PARVG: variants seen among roughly 807,000 people sequenced by gnomAD.
PARVG encodes parvin gamma, also known as gamma-parvin.
Under a neutral mutation model 44.4 loss-of-function variants are expected in PARVG, and 36 were observed. That is an observed-to-expected ratio of 0.81 (90% CI 0.62 to 1.07). PARVG has a LOEUF of 1.07. Ranked by LOEUF, PARVG falls within the 50% of genes least tolerant of loss-of-function variation. PARVG has a pLI of 0.00. For missense variants in PARVG, 407 were observed against 407.4 expected (o/e 1.00, Z 0.01); for synonymous variants, 170 against 174.1 (o/e 0.98, Z 0.19).
At chr22:44,191,187 A>G (rs1418850337) in intron 7 of PARVG, among the ~76,000 whole-genome samples, 2 of 152,058 alleles carry the variant, frequency 1.3e-5, no homozygotes, top group African/African-American at 4.8e-5. Context: ...GTTAATACCC[A>G]GGAATCCACG....
Position 44,182,871 on chromosome 22 carries a change from C to G in PARVG, c.-12-447C>G, listed in dbSNP as rs890533716. Among the ~76,000 whole-genome samples the G allele has an allele frequency of 6.6e-6, 1 of 152,182 alleles. No homozygotes were observed. Among genetic ancestry groups the G allele is most frequent in the African/African-American group, 2.4e-5 (1 of 41,430 alleles). ...TGGGATGGGAGATGTCACCATTCCA[C>G]GTATCCACCTCAGCCAGCCCCACAC... is the stretch of plus-strand genomic sequence containing the variant. On this transcript the variant is annotated intron_variant, in intron 2 of 13. Coordinates refer to ENST00000444313, the MANE Select transcript of PARVG (RefSeq NM_022141.7). The surrounding 1 kb of genome is among the most constrained non-coding windows in gnomAD (Gnocchi z 4.6).
intron 12 of PARVG, among the ~76,000 whole-genome samples, chr22:44,203,112 T>A (rs1446233142): frequency 6.6e-6 from 1 of 152,124 alleles, no homozygotes; most frequent in Non-Finnish European, 1.5e-5. Context: ...TTGAGTGTCA[T>A]TGAGGAAGAG....
intron 12 of PARVG, among the ~76,000 whole-genome samples, chr22:44,201,871 T>C (rs2054714677): frequency 6.6e-6 from 1 of 152,192 alleles, no homozygotes; most frequent in South Asian, 2.1e-4. Flanking sequence ...CGGGCACGCT[T>C]TCCTCCTGGC....
upstream of PARVG, among the ~76,000 whole-genome samples, chr22:44,176,329 G>A (rs1396547251): frequency 1.3e-5 from 2 of 152,236 alleles, no homozygotes; most frequent in Admixed American, 6.5e-5. Flanking sequence ...TAAATGCTAT[G>A]TAAATAGTTG....
chr22:44,201,862 G>A (rs1459714900), intron 12 of PARVG, among the ~76,000 whole-genome samples: 1 of 152,184 alleles, frequency 6.6e-6, no homozygotes, highest in African/African-American at 2.4e-5. Context: ...CAGCTGGCCC[G>A]GGCACGCTTT....
intron 1 of PARVG, chr22:44,173,260 G>C (rs2054287085): frequency 8.6e-7 from 1 of 1,166,020 alleles, no homozygotes; most frequent in Admixed American, 3.7e-5. Context: ...CTAGCGGCCA[G>C]GAGCACAGGC....
intron 4 of PARVG, chr22:44,187,563 T>C (rs943607515): frequency 1.7e-6 from 1 of 603,130 alleles, no homozygotes; most frequent in Non-Finnish European, 3.0e-6. Flanking sequence ...CTGCTCAGGT[T>C]TGTGATGGAG....
At chr22:44,198,508 C>A in intron 11 of PARVG, 113 bp from the exon 12 acceptor site, 1 of 805,014 alleles carries the variant, frequency 1.2e-6, no homozygotes, top group Non-Finnish European at 2.1e-6. Context: ...CATCAAGGCA[C>A]CAGAGGCTCA....
chr22:44,190,595 G>A lies in PARVG; in HGVS notation c.433G>A (p.Ala145Thr). The part of the protein sequence containing the change: ...DLLSTLHLLV[A>T]LAKRFQPDLS... ...GTTGTCTACCCTGCACCTCCTTGTGGCCCTGGCCAAGCGCTTCCAGCCCGA... is the reference window on the plus strand; with the variant it reads ...GTTGTCTACCCTGCACCTCCTTGTGACCCTGGCCAAGCGCTTCCAGCCCGA... Residue 145 changes from alanine to threonine, a missense_variant, in exon 7 of 14, where the codon GCC becomes ACC. Coordinates refer to ENST00000444313, the MANE Select transcript of PARVG (RefSeq NM_022141.7). 1 of 1,614,114 alleles carries A rather than the reference G, an allele frequency of 6.2e-7. No individual in the cohort carries two copies. Among genetic ancestry groups the A allele is most frequent in the Non-Finnish European group, 8.5e-7 (1 of 1,179,986 alleles).
At chr22:44,205,859 G>T in intron 13 of PARVG, 30 bp downstream of exon 13, 1 of 1,607,786 alleles carries the variant, frequency 6.2e-7, no homozygotes. Context: ...CCACACGGTG[G>T]CCAGCCCTGG....
upstream of PARVG, among the ~76,000 whole-genome samples, chr22:44,179,442 G>T (rs921514287): frequency 1.3e-5 from 2 of 152,150 alleles, no homozygotes; most frequent in Admixed American, 1.3e-4. This position sits in a 1 kb window ranked among gnomAD's most constrained non-coding sequence, Gnocchi z 4.2. Flanking sequence ...GTAAAGCCCT[G>T]GGACTGTCCT....
intron 12 of PARVG, among the ~76,000 whole-genome samples, chr22:44,202,883 CGGA>C (rs1200910194): frequency 6.6e-6 from 1 of 152,202 alleles, no homozygotes; most frequent in East Asian, 1.9e-4. Flanking sequence ...ATAAAATCCC[CGGA>C]GCCAGGAATC....
chr22:44,194,345 T>C (rs2054589435), intron 9 of PARVG, among the ~76,000 whole-genome samples: 1 of 152,242 alleles, frequency 6.6e-6, no homozygotes, highest in Non-Finnish European at 1.5e-5. Context: ...TTGATTGTTC[T>C]AGTTGTTACT....
intron 12 of PARVG, among the ~76,000 whole-genome samples, chr22:44,199,374 C>A (rs1379862975): frequency 1.3e-5 from 2 of 152,052 alleles, no homozygotes. Flanking sequence ...TCTTCCTGTT[C>A]TGTTTATTGA....
rs2054383168 is a variant in PARVG, at chr22:44,181,795, C to T, written c.-135C>T. 2.0e-6 allele frequency: 2 copies of T among 985,474 alleles called. No homozygotes were observed. Among genetic ancestry groups the T allele is most frequent in the South Asian group, 9.4e-5 (2 of 21,288 alleles). The allele number at this position is 985,474 out of a possible 1,614,324, so 61.0% of individuals were successfully genotyped here. A position where few individuals can be genotyped will look rare whatever the true frequency, so the allele number is the denominator to read the frequency against. On this transcript the variant is annotated 5_prime_UTR_variant, in exon 2 of 14. Transcript: ENST00000444313. ...GGCCTGGAGGAAGTGAGCAGCGGGG[C>T]TCCTGCCTCCCGGCCTGGTCCCCGA...
At chr22:44,202,986 T>C (rs2054729787) in intron 12 of PARVG, among the ~76,000 whole-genome samples, 2 of 152,064 alleles carry the variant, frequency 1.3e-5, no homozygotes, top group Admixed American at 1.3e-4. Context: ...CCGTGGAAGG[T>C]GGTAGTTTTA....
intron 9 of PARVG, among the ~76,000 whole-genome samples, chr22:44,195,015 T>C (rs2054600114): frequency 6.6e-6 from 1 of 152,144 alleles, no homozygotes; most frequent in African/African-American, 2.4e-5. Flanking sequence ...CTTAGACACA[T>C]AGCTATGTGG....
chr22:44,173,082 G>A (rs1398494943), exon 1 of PARVG: 2 of 1,289,770 alleles, frequency 1.6e-6, no homozygotes, highest in Admixed American at 2.3e-5. Context: ...AATTGGACAG[G>A]AGCTGGGGGA....
At chr22:44,183,258 G>A in intron 2 of PARVG, 60 bp from the exon 3 acceptor site, 1 of 1,463,088 alleles carries the variant, frequency 6.8e-7, no homozygotes, top group Non-Finnish European at 9.2e-7. Context: ...AGAAAATGAG[G>A]GGCTCAGTGA....
Sources: gnomAD v4.1 joint callset for allele counts (sites outside exome capture counted in the v4.1 genomes callset) on GRCh38, gnomAD v4.1.1 for gene constraint, Gnocchi (gnomAD v3.1) non-coding constraint, MANE v1.5 for transcripts, NCBI Gene and HGNC (gene_info 2026-07-23, HGNC 2026-07-21) for gene names.